Variants in CCDC102B observed in about 807,000 individuals in gnomAD.
CCDC102B encodes the protein coiled-coil domain containing 102B.
Under a neutral mutation model 57.4 loss-of-function variants are expected in CCDC102B, and 75 were observed. The observed-to-expected ratio is 1.31, with a 90% CI of 1.08 to 1.58. The LOEUF (loss-of-function observed/expected upper bound fraction) is 1.58. Among genes scored for constraint, CCDC102B ranks in the 40% most tolerant of loss-of-function variants. The pLI is 0.00. For synonymous variants in CCDC102B, 206 were observed against 201.9 expected (o/e 1.02, Z -0.17); for missense variants, 636 against 582.6 (o/e 1.09, Z -0.94).
intron 6 of CCDC102B, among the ~76,000 whole-genome samples, chr18:68,986,194 C>G (rs555995713): frequency 6.6e-6 from 1 of 151,982 alleles, no homozygotes; most frequent in Non-Finnish European, 1.5e-5. Context: ...GGTAGAGATA[C>G]AATGAAAAAG....
chr18:68,842,328 G>A (rs1471346423), intron 3 of CCDC102B, among the ~76,000 whole-genome samples: 1 of 151,764 alleles, frequency 6.6e-6, no homozygotes, highest in Non-Finnish European at 1.5e-5. Context: ...TGAAAATCAA[G>A]CTTATTTTGT....
intron 1 of CCDC102B, among the ~76,000 whole-genome samples, chr18:68,799,482 A>G (rs761009169): frequency 6.6e-5 from 10 of 152,164 alleles, no homozygotes; most frequent in Non-Finnish European, 1.2e-4. Context: ...TCTAATTATT[A>G]CAGTTACAAA....
rs1395896921 is a variant in CCDC102B, at chr18:68,838,940, A to C, written c.827+14A>C. ...GAAGGAAAGAGAGTAAGTGCTAATCATTGTCTCCCTTAACCAAGTCTAAGT... is the reference window on the plus strand; with the variant it reads ...GAAGGAAAGAGAGTAAGTGCTAATCCTTGTCTCCCTTAACCAAGTCTAAGT... On this transcript the variant is annotated intron_variant, in intron 3 of 7. Transcript: ENST00000360242. 1 of 1,597,074 alleles carries C rather than the reference A, an allele frequency of 6.3e-7. No individual in the cohort carries two copies. Among genetic ancestry groups the C allele is most frequent in the South Asian group, 1.1e-5 (1 of 90,562 alleles).
chr18:68,798,545 G>A (rs1490430883), intron 1 of CCDC102B: 2 of 152,126 alleles, frequency 1.3e-5, no homozygotes, highest in African/African-American at 4.8e-5. Flanking sequence ...ATTAGTCATT[G>A]TGTTTGAAGT....
At chr18:68,892,530 T>C (rs2040115740) in intron 5 of CCDC102B, among the ~76,000 whole-genome samples, 1 of 152,188 alleles carries the variant, frequency 6.6e-6, no homozygotes, top group Admixed American at 6.5e-5. Flanking sequence ...AGCCTCTTTA[T>C]TGTGTTGACA....
Position 68,834,276 on chromosome 18 carries a change from A to C in CCDC102B, c.-15-2473A>C, listed in dbSNP as rs147922860. Reference sequence around the variant, plus strand: ...TAATGAGACATTTAAAGACATTACAATTTTATGATACTGATTTATTTTGAA... The same window carrying C: ...TAATGAGACATTTAAAGACATTACACTTTTATGATACTGATTTATTTTGAA... On this transcript the variant is annotated intron_variant, in intron 1 of 7. Transcript: ENST00000360242. Among the ~76,000 whole-genome samples, 1,377 of 152,144 alleles carry C rather than the reference A, an allele frequency of 9.1e-3. 14 individuals carry two copies. Among genetic ancestry groups the C allele is most frequent in the Non-Finnish European group, 0.015 (1,053 of 67,944 alleles).
chr18:69,010,436 A>G (rs1307517916), intron 6 of CCDC102B, among the ~76,000 whole-genome samples: 1 of 151,954 alleles, frequency 6.6e-6, no homozygotes, highest in African/African-American at 2.4e-5. Flanking sequence ...TTTACTCATG[A>G]TGGGTCCTTG....
intron 6 of CCDC102B, among the ~76,000 whole-genome samples, chr18:68,953,402 G>A (rs1298587846): frequency 6.7e-6 from 1 of 148,532 alleles, no homozygotes; most frequent in Non-Finnish European, 1.5e-5. Flanking sequence ...CAAGTATGAG[G>A]TGGTATGTCA....
At chr18:68,817,389 A>G (rs967948806) in intron 1 of CCDC102B, among the ~76,000 whole-genome samples, 1 of 152,212 alleles carries the variant, frequency 6.6e-6, no homozygotes. Context: ...GGAACTCAAC[A>G]TTTGAATTTA....
rs569332359 is a variant in CCDC102B at position 69,022,291 on chromosome 18, G to GCA, written c.1434+11200_1434+11201dup. Among the ~76,000 whole-genome samples the GCA allele has an allele frequency of 7.2e-4, 108 of 149,014 alleles. No homozygotes were observed. The South Asian group carries it at 9.6e-3, about 13-fold the overall frequency. ...ATGGGCCACACACATATATATGTGG[G>GCA]CACACACACACACATATATATGGGC... On this transcript the variant is annotated intron_variant, in intron 7 of 7. Transcript: ENST00000360242.
chr18:68,899,747 G>A (rs1180665706), intron 6 of CCDC102B: 1 of 152,026 alleles, frequency 6.6e-6, no homozygotes, highest in Non-Finnish European at 1.5e-5. Context: ...AATTTTATAA[G>A]TCCCTATTAA....
intron 2 of CCDC102B, among the ~76,000 whole-genome samples, chr18:68,726,808 C>T (rs910156755): frequency 1.2e-4 from 18 of 152,094 alleles, no homozygotes; most frequent in African/African-American, 4.1e-4. Flanking sequence ...AACTGAGAGT[C>T]AAGCTAAAAG....
intron 6 of CCDC102B, among the ~76,000 whole-genome samples, chr18:68,921,317 T>C (rs1237668747): frequency 6.6e-6 from 1 of 152,138 alleles, no homozygotes. Flanking sequence ...TGAGATATGA[T>C]GGTTTTTAAA....
intron 1 of CCDC102B, among the ~76,000 whole-genome samples, chr18:68,808,284 A>G (rs2036104677): frequency 6.6e-6 from 1 of 152,038 alleles, no homozygotes. Context: ...TATAAATATA[A>G]TAATTCTACA....
At chr18:68,942,458 G>A (rs75777667) in intron 6 of CCDC102B, among the ~76,000 whole-genome samples, 5 of 152,022 alleles carry the variant, frequency 3.3e-5, no homozygotes, top group Non-Finnish European at 5.9e-5. Context: ...GATCATTATC[G>A]GGCGTTTCTC....
intron 2 of CCDC102B, among the ~76,000 whole-genome samples, chr18:68,733,759 A>G (rs2033003526): frequency 6.6e-6 from 1 of 151,948 alleles, no homozygotes; most frequent in African/African-American, 2.4e-5. Flanking sequence ...ACGATTAAAA[A>G]TTTTTTACAC....
At chr18:68,956,360 A>ATTATATATTTTATATATATATT in intron 6 of CCDC102B, among the ~76,000 whole-genome samples, 1 of 74,926 alleles carries the variant, frequency 1.3e-5, no homozygotes, top group East Asian at 5.2e-4. Flanking sequence ...TAATATATAT[A>ATTATATATTTTATATATATATT]ATATATATAT....
chr18:68,838,324 A>C (rs947701043), intron 2 of CCDC102B: 1 of 793,242 alleles, frequency 1.3e-6, no homozygotes, highest in Non-Finnish European at 1.5e-6. Context: ...AAAATGTTAA[A>C]AAATGATTGC....
chr18:68,865,508 TA>T (rs1388235113), intron 4 of CCDC102B, among the ~76,000 whole-genome samples: 1 of 152,160 alleles, frequency 6.6e-6, no homozygotes, highest in Non-Finnish European at 1.5e-5. Context: ...AATAGGTGTA[TA>T]TTTTTTAATT....
Sources: allele counts gnomAD v4.1 joint callset (sites outside exome capture counted in the v4.1 genomes callset), GRCh38; gene constraint gnomAD v4.1.1; transcripts MANE v1.5; gene names NCBI Gene and HGNC (gene_info 2026-07-23, HGNC 2026-07-21).